WDFY3: variants seen among roughly 807,000 people sequenced by gnomAD.
WDFY3 encodes WD repeat and FYVE domain-containing protein 3.
A neutral mutation model predicts 409.6 loss-of-function variants in WDFY3; 66 were observed. The observed-to-expected ratio is 0.16, with a 90% confidence interval of 0.13 to 0.20. The LOEUF (loss-of-function observed/expected upper bound fraction) is 0.20, where lower values mean the gene tolerates loss of function less well. Ranked by LOEUF, WDFY3 falls within the 10% of genes least tolerant of loss-of-function variation. The pLI, the probability that WDFY3 is intolerant of heterozygous loss-of-function variation, is 1.00. For missense variants in WDFY3, 3,031 were observed against 4,298.1 expected (o/e 0.71, Z 8.24); for synonymous variants, 1,521 against 1,537.1 (o/e 0.99, Z 0.25).
At chr4:84,832,095 T>A (rs1231265855) in intron 7 of WDFY3, among the ~76,000 whole-genome samples, 1 of 151,946 alleles carries the variant, frequency 6.6e-6, no homozygotes, top group Non-Finnish European at 1.5e-5. Flanking sequence ...AACCTAAGTA[T>A]CCAACAGATG....
intron 50 of WDFY3, among the ~76,000 whole-genome samples, chr4:84,714,302 G>A (rs1016422556): frequency 2.6e-5 from 4 of 151,984 alleles, no homozygotes; most frequent in Admixed American, 2.0e-4. Flanking sequence ...TAGAGACAGG[G>A]TCTCACTATG....
chr4:84,894,291 T>TCAAATTG (rs2150543617), intron 3 of WDFY3, among the ~76,000 whole-genome samples: 1 of 152,306 alleles, frequency 6.6e-6, no homozygotes, highest in Admixed American at 6.5e-5. Context: ...TAAATAACGG[T>TCAAATTG]CAAATTGTCA....
rs1746249410 is a variant in WDFY3 at position 84,780,153 on chromosome 4, A to G, written c.4320T>C (p.Ser1440=). The G allele has an allele frequency of 6.2e-7, 1 of 1,611,376 alleles. No homozygotes were observed. Among genetic ancestry groups the G allele is most frequent in the African/African-American group, 1.3e-5 (1 of 74,824 alleles). The change falls in exon 26 of 68, where the codon AGT becomes AGC. Residue 1440 remains serine (S), a synonymous_variant. Transcript: ENST00000295888. ...AVKALVCVVK[S]NPLASKEMER... ...CCATTTCTTTGCTGGCTAGTGGGTT[A>G]CTCTTGACCACACAAACCAGGGCCT... is the stretch of plus-strand genomic sequence containing the variant.
intron 27 of WDFY3, 53 bp from the exon 28 acceptor site, chr4:84,775,191 G>A (rs1395804776): frequency 6.7e-7 from 1 of 1,492,334 alleles, no homozygotes; most frequent in African/African-American, 1.4e-5. Flanking sequence ...ATGCCCAAAT[G>A]CCAAACCAAC....
chr4:84,792,908 A>G (rs1245381977), intron 21 of WDFY3, among the ~76,000 whole-genome samples: 1 of 152,210 alleles, frequency 6.6e-6, no homozygotes, highest in East Asian at 1.9e-4. Flanking sequence ...GTACTGTGTT[A>G]GATGACAGGG....
intron 10 of WDFY3, 53 bp downstream of exon 10, chr4:84,826,762 T>C (rs1465376948): frequency 6.6e-7 from 1 of 1,504,128 alleles, no homozygotes; most frequent in Non-Finnish European, 8.8e-7. Context: ...TAAGACAAAT[T>C]CATTCTTTCT....
intron 44 of WDFY3, among the ~76,000 whole-genome samples, chr4:84,732,897 C>G (rs780795392): frequency 6.6e-6 from 1 of 152,292 alleles, no homozygotes; most frequent in African/African-American, 2.4e-5. Context: ...GGCATTGGAA[C>G]AATTCAAGCT....
chr4:84,799,672 T>C (rs1750152133), intron 17 of WDFY3, among the ~76,000 whole-genome samples: 1 of 152,130 alleles, frequency 6.6e-6, no homozygotes. Flanking sequence ...TAACCTGTCA[T>C]TTATAACATC....
At chr4:84,700,221 T>C (rs1223838106) in intron 56 of WDFY3, among the ~76,000 whole-genome samples, 1 of 152,228 alleles carries the variant, frequency 6.6e-6, no homozygotes, top group African/African-American at 2.4e-5. Context: ...TGTTTTGTTT[T>C]GGAGACAAGG....
intron 9 of WDFY3, 101 bp downstream of exon 9, chr4:84,828,903 T>A (rs1755254623): frequency 8.2e-7 from 1 of 1,213,390 alleles, no homozygotes; most frequent in African/African-American, 1.5e-5. Flanking sequence ...AATAAGTGTT[T>A]CCTTAATTTG....
intron 45 of WDFY3, among the ~76,000 whole-genome samples, chr4:84,725,958 A>T (rs1735589077): frequency 6.6e-6 from 1 of 152,166 alleles, no homozygotes. Context: ...CAGCAAATGG[A>T]GACTGAAAAT....
intron 56 of WDFY3, among the ~76,000 whole-genome samples, chr4:84,702,004 C>T (rs1731135129): frequency 6.6e-6 from 1 of 152,098 alleles, no homozygotes; most frequent in Admixed American, 6.5e-5. Context: ...TGGGAGTAAT[C>T]TGTCTCAATA....
At position 84,808,433 on chromosome 4, in the gene WDFY3, C is replaced by T. The variant is rs1229880732; in HGVS notation, c.2346-16G>A. On this transcript the variant is annotated splice_polypyrimidine_tract_variant and intron_variant, in intron 14 of 67. Coordinates refer to ENST00000295888, the MANE Select transcript of WDFY3 (RefSeq NM_014991.6). ...TTCTGCACGACTACAGACAACAAAA[C>T]AGACAGGGTGGTTTAGAGAGGTTAG... 4.3e-6 allele frequency: 7 copies of T among 1,612,424 alleles called. No individual in the cohort carries two copies. Among genetic ancestry groups the T allele is most frequent in the African/African-American group, 1.3e-5 (1 of 74,874 alleles).
rs532145646 is a variant in WDFY3 at position 84,743,837 on chromosome 4, TA to T, written c.5974-39del. 3.0e-4 allele frequency: 443 copies of T among 1,453,016 alleles called. 1 individual carries two copies. In the African/African-American group the frequency reaches 5.1e-3, roughly 17 times the overall value. 90.0% of individuals were successfully genotyped at this position (1,453,016 alleles called of 1,614,324 possible). On this transcript the variant is annotated intron_variant, in intron 36 of 67. Coordinates refer to ENST00000295888, the MANE Select transcript of WDFY3 (RefSeq NM_014991.6). ...ATTTAGAATTAGAAACAGAACCAAC[TA>T]AAACAAAAATATGAGCTCAACCACA...
chr4:84,709,200 A>G, intron 52 of WDFY3, 93 bp downstream of exon 52: 1 of 1,402,922 alleles, frequency 7.1e-7, no homozygotes, highest in Non-Finnish European at 9.8e-7. Flanking sequence ...TCTCTATGGT[A>G]TATATTTTAT....
chr4:84,795,564 C>A (rs529572126), intron 19 of WDFY3, among the ~76,000 whole-genome samples: 11 of 152,302 alleles, frequency 7.2e-5, no homozygotes, highest in African/African-American at 2.4e-4. Context: ...GAGTTCGAGA[C>A]CAGCCTGGCC....
At chr4:84,700,775 G>A (rs564968188) in intron 56 of WDFY3, among the ~76,000 whole-genome samples, 40 of 152,228 alleles carry the variant, frequency 2.6e-4, no homozygotes, top group African/African-American at 7.5e-4. Context: ...AGAAGGCAAC[G>A]TTCTCCAAAG....
In WDFY3 at chr4:84,829,046, C is replaced by T. The variant is rs1444096931; in HGVS notation, c.914G>A (p.Arg305Gln). The T allele has an allele frequency of 2.5e-6, 4 of 1,612,852 alleles. No homozygotes were observed. Among genetic ancestry groups the T allele is most frequent in the Non-Finnish European group, 3.4e-6 (4 of 1,179,422 alleles). ...DVSQTLLDDF[R>Q]IWQGYNFLCD... ...AAGAAAATTATATCCTTGCCATATC[C>T]GAAAATCATCCAGAAGTGTTTGGGA... is the stretch of plus-strand genomic sequence containing the variant. The change falls in exon 9 of 68, where the codon CGG (arginine) becomes CAG (glutamine). Residue 305 changes from arginine (R) to glutamine (Q), a missense_variant. Arg to Gln is a conservative substitution (Grantham distance 43). This residue lies in a region of WDFY3 where 1,322 missense variants were observed against 1,697.9 expected (regional missense o/e 0.78). Coordinates refer to ENST00000295888, the MANE Select transcript of WDFY3 (RefSeq NM_014991.6).
At chr4:84,789,930 T>C in intron 21 of WDFY3, 23 bp from the exon 22 acceptor site, 1 of 1,612,194 alleles carries the variant, frequency 6.2e-7, no homozygotes, top group East Asian at 2.2e-5. Context: ...GGGGAAGACA[T>C]AAAAACTTTT....
Sources: allele counts gnomAD v4.1 joint callset (sites outside exome capture counted in the v4.1 genomes callset), GRCh38; gene constraint gnomAD v4.1.1; regional missense constraint gnomAD v4.1.1; transcripts MANE v1.5; gene names NCBI Gene and HGNC (gene_info 2026-07-23, HGNC 2026-07-21).